CD99L2: variants seen among roughly 807,000 people sequenced by gnomAD.
CD99L2 encodes the protein CD99 molecule like 2, also known as CD99 antigen-like protein 2.
Under a neutral mutation model 27.3 loss-of-function variants are expected in CD99L2, and 24 were observed. That is an observed-to-expected ratio of 0.88 (90% confidence interval 0.64 to 1.24). CD99L2 has a LOEUF of 1.24. CD99L2 is among the 50% of genes most tolerant of loss of function. The pLI is 0.00. For synonymous variants in CD99L2, 97 were observed against 87.9 expected, an observed-to-expected ratio of 1.10 and a Z score of -0.58; for missense variants, 255 against 221.6, an observed-to-expected ratio of 1.15 and a Z score of -0.96.
intron 1 of CD99L2, among the ~76,000 whole-genome samples, chrX:150,869,421 C>T (rs1340494246): frequency 2.7e-5 from 3 of 112,582 alleles, no homozygotes; most frequent in African/African-American, 6.5e-5. Context: ...CCACTGCCAT[C>T]ACCCTGGTCC....
At chrX:150,798,233 G>GGAGGGAGGGAGGGAGGGAGGA (rs2045843366) in intron 4 of CD99L2, among the ~76,000 whole-genome samples, 4 of 22,949 alleles carry the variant, frequency 1.7e-4, no homozygotes, top group African/African-American at 1.0e-3. Flanking sequence ...AGGAAGGAAG[G>GGAGGGAGGGAGGGAGGGAGGA]AAGGAAGGAA....
intron 3 of CD99L2, 62 bp from the exon 4 acceptor site, chrX:150,814,998 C>T (rs782272226): frequency 8.9e-7 from 1 of 1,126,150 alleles, no homozygotes; most frequent in Non-Finnish European, 1.2e-6. Context: ...GTATAAGATT[C>T]CAAAATAAGC....
chrX:150,767,459 C>G lies in CD99L2; in HGVS notation c.*1575G>C, dbSNP rs1237493521. ...GCAGGAAAAGGGGTGGTAAGGAGCT[C>G]AAGGGCACGCACTGGGAATGGCCTC... On this transcript the variant is annotated 3_prime_UTR_variant, in exon 11 of 11. Transcript: ENST00000370377. The G allele has an allele frequency of 8.9e-6, 1 of 112,018 alleles. No individual in the cohort carries two copies. Among genetic ancestry groups the G allele is most frequent in the Non-Finnish European group, 1.9e-5 (1 of 53,218 alleles). The allele number at this position is 112,018 out of a possible 1,213,427, so 9.2% of individuals were successfully genotyped here.
At chrX:150,772,768 C>T (rs533598833) in intron 9 of CD99L2, among the ~76,000 whole-genome samples, 1 of 111,607 alleles carries the variant, frequency 9.0e-6, no homozygotes, top group Admixed American at 9.4e-5. Context: ...GAGACCTACA[C>T]AGGTGGCACA....
At chrX:150,795,593 T>TAG in intron 4 of CD99L2, 107 bp from the exon 5 acceptor site, 7 of 777,120 alleles carry the variant, frequency 9.0e-6, no homozygotes, top group South Asian at 2.4e-5. Context: ...TCTTGGTCCT[T>TAG]GAGGCTCCTA....
At chrX:150,890,050 G>C (rs781870129) in intron 1 of CD99L2, among the ~76,000 whole-genome samples, 403 of 110,591 alleles carry the variant, frequency 3.6e-3, no homozygotes, top group Non-Finnish European at 6.0e-3. Context: ...CTACTCGGGA[G>C]GCTGAGGCAG....
At chrX:150,892,268 G>A (rs183499148) in intron 1 of CD99L2, among the ~76,000 whole-genome samples, 420 of 109,815 alleles carry the variant, frequency 3.8e-3, no homozygotes, top group South Asian at 0.014. Flanking sequence ...ACCCACCTAA[G>A]AGTGAACACA....
At chrX:150,896,462 T>G (rs1241671305) in intron 1 of CD99L2, among the ~76,000 whole-genome samples, 1 of 112,439 alleles carries the variant, frequency 8.9e-6, no homozygotes, top group African/African-American at 3.2e-5. Context: ...AGCAGTCTTA[T>G]CTGGGTTGAA....
intron 4 of CD99L2, among the ~76,000 whole-genome samples, chrX:150,810,597 G>T (rs958193134): frequency 1.8e-5 from 2 of 110,625 alleles, no homozygotes; most frequent in Non-Finnish European, 3.8e-5. Flanking sequence ...GATGAGAATA[G>T]AAGAAAAATA....
intron 9 of CD99L2, chrX:150,771,967 A>G (rs781973492): frequency 6.7e-6 from 4 of 599,351 alleles, no homozygotes; most frequent in Non-Finnish European, 1.0e-5. Context: ...GGCCGAGAGC[A>G]CCTGAGGGCC....
chrX:150,818,248 C>G (rs1357492179), intron 2 of CD99L2, among the ~76,000 whole-genome samples: 4 of 97,028 alleles, frequency 4.1e-5, no homozygotes, highest in African/African-American at 1.6e-4. Flanking sequence ...TATAAACCAA[C>G]TAGACCTAAC....
intron 4 of CD99L2, among the ~76,000 whole-genome samples, chrX:150,812,625 T>C (rs781856900): frequency 3.6e-5 from 4 of 112,671 alleles, no homozygotes; most frequent in Non-Finnish European, 5.6e-5. Flanking sequence ...ACAGTCTTCA[T>C]GGAAAACTGA....
intron 4 of CD99L2, among the ~76,000 whole-genome samples, chrX:150,809,154 G>C (rs1218687618): frequency 9.0e-6 from 1 of 111,628 alleles, no homozygotes; most frequent in Admixed American, 9.6e-5. Flanking sequence ...AGCCTGGCTA[G>C]CACCTTGATT....
chrX:150,795,524 T>G, intron 4 of CD99L2, 38 bp from the exon 5 acceptor site: 1 of 1,179,101 alleles, frequency 8.5e-7, no homozygotes, highest in Non-Finnish European at 1.2e-6. Context: ...GGAGCACATT[T>G]AGGAACAAAA....
chrX:150,769,154 A>C (rs1045327070), intron 10 of CD99L2, 53 bp from the exon 11 acceptor site: 33 of 1,111,011 alleles, frequency 3.0e-5, no homozygotes, highest in African/African-American at 1.3e-4. Context: ...TGCACAGAAG[A>C]AGCAAATACA....
At chrX:150,781,723 T>C (rs2045514438) in intron 7 of CD99L2, among the ~76,000 whole-genome samples, 1 of 111,755 alleles carries the variant, frequency 8.9e-6, no homozygotes, top group African/African-American at 3.3e-5. Context: ...ACCATAGCAA[T>C]AGGGACCGTC....
chrX:150,792,481 G>T (rs2045707121), intron 7 of CD99L2, among the ~76,000 whole-genome samples: 1 of 112,107 alleles, frequency 8.9e-6, no homozygotes, highest in South Asian at 3.7e-4. Context: ...TAGTAGAGAT[G>T]ACTCTGTCTG....
At chrX:150,798,101 AGAACACAG>A (rs1389349729) in intron 4 of CD99L2, among the ~76,000 whole-genome samples, 1 of 75,271 alleles carries the variant, frequency 1.3e-5, no homozygotes, top group Non-Finnish European at 2.5e-5. Context: ...GAAGGAGGAC[AGAACACAG>A]GAAGGGAGGG....
At chrX:150,818,986 T>C in intron 2 of CD99L2, 1 of 324,633 alleles carries the variant, frequency 3.1e-6, no homozygotes, top group Non-Finnish European at 5.9e-6. Context: ...CAAATCTAAC[T>C]ACCAGGAGAA....
Sources: gnomAD v4.1 joint callset for allele counts (sites outside exome capture counted in the v4.1 genomes callset) on GRCh38, gnomAD v4.1.1 for gene constraint, MANE v1.5 for transcripts, NCBI Gene and HGNC (gene_info 2026-07-23, HGNC 2026-07-21) for gene names.